The following FBXW7 variants were observed in gnomAD, a reference collection of about 807,000 sequenced individuals.
FBXW7 encodes the protein F-box/WD repeat-containing protein 7.
FBXW7 carries 11 observed loss-of-function variants against 86.3 expected under a neutral mutation model. That is an observed-to-expected ratio of 0.13 (90% confidence interval 0.08 to 0.21). The LOEUF (loss-of-function observed/expected upper bound fraction) is 0.21, where lower values mean the gene tolerates loss of function less well. Among genes scored for constraint, FBXW7 ranks in the 10% least tolerant of loss-of-function variants. The pLI, the probability that FBXW7 is intolerant of heterozygous loss-of-function variation, is 1.00. For missense variants in FBXW7, 488 were observed against 847.4 expected (o/e 0.58, Z 5.27); for synonymous variants, 313 against 297.9 (o/e 1.05, Z -0.52).
chr4:152,445,502 T>G (rs1295414461), intron 2 of FBXW7, among the ~76,000 whole-genome samples: 1 of 152,232 alleles, frequency 6.6e-6, no homozygotes, highest in African/African-American at 2.4e-5. Flanking sequence ...GGTTCTGCTA[T>G]TTCCCAGTTG....
chr4:152,445,817 G>A (rs1156473773), intron 2 of FBXW7, among the ~76,000 whole-genome samples: 1 of 148,986 alleles, frequency 6.7e-6, no homozygotes, highest in African/African-American at 2.4e-5. Context: ...GGCTGAGGCA[G>A]GATAATCACT....
intron 2 of FBXW7, among the ~76,000 whole-genome samples, chr4:152,520,321 T>C (rs1220454716): frequency 6.6e-6 from 1 of 151,022 alleles, no homozygotes; most frequent in Non-Finnish European, 1.5e-5. Flanking sequence ...TAGTCCCAGC[T>C]ACTGGGGAGG....
At chr4:152,496,374 C>A (rs979288264) in intron 2 of FBXW7, among the ~76,000 whole-genome samples, 40 of 151,880 alleles carry the variant, frequency 2.6e-4, no homozygotes, top group East Asian at 1.4e-3. Context: ...AAAAAAAAAT[C>A]TAATGAAGAC....
chr4:152,343,569 T>C (rs1471386017), intron 6 of FBXW7, among the ~76,000 whole-genome samples: 2 of 152,214 alleles, frequency 1.3e-5, no homozygotes, highest in East Asian at 3.8e-4. Context: ...AACTAAGAAC[T>C]TGTCCTTCTA....
intron 2 of FBXW7, among the ~76,000 whole-genome samples, chr4:152,470,932 T>C (rs1743896581): frequency 6.6e-6 from 1 of 152,110 alleles, no homozygotes. Context: ...TAAAATGACA[T>C]ATTAAGTAAA....
intron 4 of FBXW7, among the ~76,000 whole-genome samples, chr4:152,407,319 G>A (rs1257428032): frequency 1.3e-5 from 2 of 152,184 alleles, no homozygotes; most frequent in African/African-American, 4.8e-5. Context: ...AAAGGTAGGG[G>A]ACATGGCTAT....
In FBXW7 at chr4:152,418,270, C is replaced by T. The variant is rs138070762; in HGVS notation, c.-119-5741G>A. 1.6e-4 allele frequency among the ~76,000 whole-genome samples: 24 copies of T among 152,132 alleles called. 1 individual carries two copies. In the East Asian group the frequency reaches 2.3e-3, roughly 15 times the overall value. On this transcript the variant is annotated intron_variant, in intron 2 of 13. Transcript: ENST00000281708. ...CTGTTGAATACTTAAACATTAATGG[C>T]TGTAGAAACTAGCCTACGTAGTACT...
At chr4:152,356,386 G>A (rs908576984) in intron 4 of FBXW7, among the ~76,000 whole-genome samples, 10 of 149,702 alleles carry the variant, frequency 6.7e-5, no homozygotes, top group Admixed American at 6.1e-4. Context: ...TATAATTAGT[G>A]GAAAATACTA....
chr4:152,450,961 A>G (rs1176017636), intron 2 of FBXW7, among the ~76,000 whole-genome samples: 2 of 152,218 alleles, frequency 1.3e-5, no homozygotes, highest in African/African-American at 2.4e-5. Context: ...ATTAATTATA[A>G]CTTAGAGTAT....
intron 2 of FBXW7, among the ~76,000 whole-genome samples, chr4:152,424,042 T>TC (rs1466767882): frequency 2.1e-4 from 32 of 152,252 alleles, no homozygotes; most frequent in African/African-American, 7.5e-4. Context: ...TTACTTTTTT[T>TC]CCATTTTTTG....
At chr4:152,413,884 G>T (rs1199604687) in intron 2 of FBXW7, among the ~76,000 whole-genome samples, 1 of 152,020 alleles carries the variant, frequency 6.6e-6, no homozygotes, top group Non-Finnish European at 1.5e-5. Context: ...TCAGAGAAAG[G>T]GAATTATGAA....
chr4:152,479,611 T>C (rs1744706398), intron 2 of FBXW7, among the ~76,000 whole-genome samples: 1 of 152,122 alleles, frequency 6.6e-6, no homozygotes, highest in Admixed American at 6.6e-5. Context: ...ACTTCCTGTA[T>C]TTCTTGGAAA....
At chr4:152,333,693 T>A (rs1357171437) in intron 7 of FBXW7, among the ~76,000 whole-genome samples, 2 of 152,146 alleles carry the variant, frequency 1.3e-5, no homozygotes, top group Non-Finnish European at 2.9e-5. Flanking sequence ...ATTTTAATTA[T>A]TTTTTGATGC....
intron 2 of FBXW7, among the ~76,000 whole-genome samples, chr4:152,499,884 T>C (rs1034279293): frequency 6.6e-6 from 1 of 152,136 alleles, no homozygotes; most frequent in Non-Finnish European, 1.5e-5. Flanking sequence ...ATTTTAGACG[T>C]AGGGATCCAT....
Position 152,322,099 on chromosome 4 carries a change from A to T in FBXW7, c.*782T>A, listed in dbSNP as rs1158059393. On this transcript the variant is annotated 3_prime_UTR_variant, in exon 14 of 14. Transcript: ENST00000281708. Reference sequence around the variant, plus strand: ...CTTTCTTTCATTTAGCAGCATAAATAAGTTTGGCCACTGGGAGTACAGTAC... The same window carrying T: ...CTTTCTTTCATTTAGCAGCATAAATTAGTTTGGCCACTGGGAGTACAGTAC... 1 of 233,188 alleles carries T rather than the reference A, an allele frequency of 4.3e-6. No homozygotes were observed. The highest frequency in any genetic ancestry group is 8.5e-6 in the Non-Finnish European group (1 of 117,770). The allele number at this position is 233,188 out of a possible 1,614,324, so 14.4% of individuals were successfully genotyped here.
At position 152,337,956 on chromosome 4, in the gene FBXW7, A is replaced by AT. The variant is rs1691864096; in HGVS notation, c.727-21dup. 1 of 1,587,138 alleles carries AT rather than the reference A, an allele frequency of 6.3e-7. No homozygotes were observed. The highest frequency in any genetic ancestry group is 1.4e-5 in the African/African-American group (1 of 73,338). ...CCAGCTCTATCAAAGAGAATTAGAA[A>AT]TTTTTATTGTTTTAACAGATGTCCC... On this transcript the variant is annotated intron_variant, in intron 6 of 13. Coordinates refer to ENST00000281708, the MANE Select transcript of FBXW7 (RefSeq NM_001349798.2).
chr4:152,328,471 G>C, intron 10 of FBXW7, 82 bp from the exon 11 acceptor site: 1 of 927,588 alleles, frequency 1.1e-6, no homozygotes. Flanking sequence ...TTAAAATTTG[G>C]AGTAAAGTTA....
chr4:152,391,570 G>A (rs1212955695), intron 4 of FBXW7, among the ~76,000 whole-genome samples: 3 of 152,084 alleles, frequency 2.0e-5, no homozygotes, highest in Non-Finnish European at 4.4e-5. Context: ...AGATATAAAG[G>A]AAGTCTGCAG....
chr4:152,356,361 C>T (rs955427860), intron 4 of FBXW7, among the ~76,000 whole-genome samples: 4 of 152,144 alleles, frequency 2.6e-5, no homozygotes, highest in African/African-American at 7.2e-5. Context: ...AAAAGTTTAA[C>T]TCAACTAAAA....
Sources: gnomAD v4.1 joint callset for allele counts (sites outside exome capture counted in the v4.1 genomes callset) on GRCh38, gnomAD v4.1.1 for gene constraint, MANE v1.5 for transcripts, NCBI Gene and HGNC (gene_info 2026-07-23, HGNC 2026-07-21) for gene names.